The following EPG5 variants were observed in gnomAD, a reference collection of about 807,000 sequenced individuals.
EPG5 encodes ectopic P-granules 5 autophagy tethering factor.
Under a neutral mutation model 302.7 loss-of-function variants are expected in EPG5, and 159 were observed. That is an observed-to-expected ratio of 0.53 (90% CI 0.46 to 0.60). The LOEUF (loss-of-function observed/expected upper bound fraction) is 0.60, where lower values mean the gene tolerates loss of function less well. EPG5 is among the 20% of genes least tolerant of loss of function. The pLI, the probability that EPG5 is intolerant of heterozygous loss-of-function variation, is 0.00. For missense variants in EPG5, 2,896 were observed against 3,092.4 expected (o/e 0.94, Z 1.51); for synonymous variants, 1,158 against 1,136.8 (o/e 1.02, Z -0.37).
Position 45,955,522 on chromosome 18 carries a change from G to A in EPG5, c.64-184C>T, listed in dbSNP as rs1208791505. Among the ~76,000 whole-genome samples the A allele has an allele frequency of 7.9e-5, 12 of 152,086 alleles. No homozygotes were observed. The East Asian group carries it at 9.6e-4, about 12-fold the overall frequency. ...GAAACAGAAATGTGTTTCATATTTCGTATTATCCAATATTGAGCGTGTTAA... is the reference window on the plus strand; with the variant it reads ...GAAACAGAAATGTGTTTCATATTTCATATTATCCAATATTGAGCGTGTTAA... On this transcript the variant is annotated intron_variant, in intron 1 of 43. Coordinates refer to ENST00000282041, the MANE Select transcript of EPG5 (RefSeq NM_020964.3).
At chr18:45,808,665 C>A in the EPG5 span, among the ~76,000 whole-genome samples, 1 of 152,076 alleles carries the variant, frequency 6.6e-6, no homozygotes, top group Non-Finnish European at 1.5e-5. Flanking sequence ...CTTTTTCAAA[C>A]AAATACTGAG....
At chr18:45,859,820 C>A (rs2048593226) in intron 40 of EPG5, among the ~76,000 whole-genome samples, 1 of 152,234 alleles carries the variant, frequency 6.6e-6, no homozygotes, top group Non-Finnish European at 1.5e-5. Flanking sequence ...ATTTGCATAT[C>A]ATAACAGGTT....
intron 4 of EPG5, among the ~76,000 whole-genome samples, chr18:45,950,504 C>T (rs59112133): frequency 0.092 from 14,000 of 152,208 alleles, 693 homozygotes; most frequent in African/African-American, 0.14. Context: ...GTGCCTTTTG[C>T]CCTCCACCAT....
Position 45,880,154 on chromosome 18 carries a change from G to C in EPG5, c.5588C>G (p.Pro1863Arg), listed in dbSNP as rs1279738280. ...GGACGCTGCCCCCTGCTGGCAGCTG[G>C]GGGCGCAGCAGCCCAGGGCTCTCAG... ...ATLRALGCCA[P>R]SCQQGAASTE... is the part of the protein sequence containing the mutation. Residue 1863 changes from proline (P) to arginine (R), a missense_variant, in exon 32 of 44, where the codon CCC (proline) becomes CGC (arginine). Physicochemically the swap from Pro to Arg is moderately radical, Grantham distance 103. Coordinates refer to ENST00000282041, the MANE Select transcript of EPG5 (RefSeq NM_020964.3). 1 of 1,611,944 alleles carries C rather than the reference G, an allele frequency of 6.2e-7. No homozygotes were observed. The highest frequency in any genetic ancestry group is 8.5e-7 in the Non-Finnish European group (1 of 1,178,822).
chr18:45,913,852 G>A lies in EPG5; in HGVS notation c.3694-24C>T, dbSNP rs768749150. 3.7e-6 allele frequency: 6 copies of A among 1,609,620 alleles called. No homozygotes were observed. The Admixed American group carries it at 1.0e-4, about 27-fold the overall frequency. ...ACCTATAATGACACCAGATAAAGGG[G>A]AGGGGAAGGAGGAGCTCGCCCCACT... On this transcript the variant is annotated intron_variant, in intron 20 of 43. Coordinates refer to ENST00000282041, the MANE Select transcript of EPG5 (RefSeq NM_020964.3).
chr18:45,867,852 TC>T, intron 36 of EPG5, 104 bp from the exon 37 acceptor site: 1 of 984,644 alleles, frequency 1.0e-6, no homozygotes. Context: ...AAACACTTTT[TC>T]CCCAGATTAT....
the EPG5 span, chr18:45,842,442 T>TGTGAGAGAGA: frequency 4.3e-5 from 15 of 345,084 alleles, no homozygotes; most frequent in African/African-American, 3.2e-4. Flanking sequence ...TGTGTGTGTG[T>TGTGAGAGAGA]GAGAGAGAGA....
the EPG5 span, among the ~76,000 whole-genome samples, chr18:45,834,853 A>G: frequency 6.6e-6 from 1 of 152,228 alleles, no homozygotes; most frequent in African/African-American, 2.4e-5. Context: ...GGCTGAGGTC[A>G]CAGAAAGTGA....
intron 9 of EPG5, among the ~76,000 whole-genome samples, chr18:45,941,232 C>T (rs1027199542): frequency 6.6e-6 from 1 of 152,102 alleles, no homozygotes. Flanking sequence ...AATGTGGTAT[C>T]CTGGAAGCCA....
At chr18:45,928,285 T>C (rs1417079887) in intron 13 of EPG5, among the ~76,000 whole-genome samples, 4 of 152,060 alleles carry the variant, frequency 2.6e-5, no homozygotes, top group African/African-American at 9.7e-5. Flanking sequence ...ATTGACTGTG[T>C]TGAGAGTTGC....
At chr18:45,926,597 T>A (rs1425668118) in intron 13 of EPG5, among the ~76,000 whole-genome samples, 1 of 151,870 alleles carries the variant, frequency 6.6e-6, no homozygotes, top group Admixed American at 6.6e-5. Context: ...GGGGCCCAGG[T>A]GGACAGATCA....
the EPG5 span, chr18:45,842,037 G>T: frequency 1.4e-6 from 2 of 1,421,086 alleles, no homozygotes; most frequent in Non-Finnish European, 2.0e-6. Context: ...CCCACTGCTG[G>T]CATATAGTTT....
chr18:45,919,029 A>G (rs1028177420), intron 16 of EPG5, among the ~76,000 whole-genome samples: 2 of 152,220 alleles, frequency 1.3e-5, no homozygotes, highest in African/African-American at 4.8e-5. Context: ...AAAACTAAGG[A>G]TATAAAATTA....
chr18:45,832,296 G>A, the EPG5 span, among the ~76,000 whole-genome samples: 13 of 152,022 alleles, frequency 8.6e-5, no homozygotes, highest in African/African-American at 3.1e-4. Context: ...AGTAAGTGAA[G>A]GAGCCTAGGA....
chr18:45,911,078 T>TCTATACACACAC (rs1437628397), intron 22 of EPG5, among the ~76,000 whole-genome samples: 13 of 135,368 alleles, frequency 9.6e-5, no homozygotes, highest in African/African-American at 3.6e-4. Flanking sequence ...TATCTATCTA[T>TCTATACACACAC]ACACACACAC....
chr18:45,931,848 TA>T (rs752671329), intron 11 of EPG5, among the ~76,000 whole-genome samples: 6 of 151,036 alleles, frequency 4.0e-5, no homozygotes, highest in Admixed American at 2.0e-4. Context: ...AAAATAATAA[TA>T]ATAAAATTAA....
At position 45,889,779 on chromosome 18, in the gene EPG5, T is replaced by C. The variant is rs1281883986; in HGVS notation, c.4952+19A>G. On this transcript the variant is annotated intron_variant, in intron 28 of 43. Transcript: ENST00000282041. ...GATAACAAAACAGTATTTCAAATTATAATGCCTGCAAAACTTACGTGATCA... is the reference window on the plus strand; with the variant it reads ...GATAACAAAACAGTATTTCAAATTACAATGCCTGCAAAACTTACGTGATCA... The C allele has an allele frequency of 6.3e-7, 1 of 1,594,192 alleles. No homozygotes were observed. The highest frequency in any genetic ancestry group is 1.3e-5 in the African/African-American group (1 of 74,406).
Position 45,939,586 on chromosome 18 carries a change from T to A in EPG5, c.2099+14A>T, listed in dbSNP as rs1388070695. On this transcript the variant is annotated intron_variant, in intron 10 of 43. Coordinates refer to ENST00000282041, the MANE Select transcript of EPG5 (RefSeq NM_020964.3). ...AGTTACTTCTCACTAAATATCATCA[T>A]ATGTCTTACTTACCTTTTGGCCTTC... 6 of 1,613,308 alleles carry A rather than the reference T, an allele frequency of 3.7e-6. No homozygotes were observed. In the East Asian group the frequency reaches 1.1e-4, roughly 30 times the overall value.
chr18:45,908,353 A>G (rs2049810988), intron 23 of EPG5, among the ~76,000 whole-genome samples: 1 of 152,222 alleles, frequency 6.6e-6, no homozygotes, highest in Non-Finnish European at 1.5e-5. Flanking sequence ...ATTTAAATAC[A>G]GTACACAGAA....
Sources: allele counts gnomAD v4.1 joint callset (sites outside exome capture counted in the v4.1 genomes callset), GRCh38; gene constraint gnomAD v4.1.1; transcripts MANE v1.5; gene names NCBI Gene and HGNC (gene_info 2026-07-23, HGNC 2026-07-21).